Variants in AUTS2 observed in about 807,000 individuals in gnomAD.
AUTS2 encodes autism susceptibility gene 2 protein.
Under a neutral mutation model 112.4 loss-of-function variants are expected in AUTS2, and 17 were observed. That is an observed-to-expected ratio of 0.15 (90% CI 0.10 to 0.23). The LOEUF (loss-of-function observed/expected upper bound fraction) is 0.23, where lower values mean the gene tolerates loss of function less well. Among genes scored for constraint, AUTS2 ranks in the 10% least tolerant of loss-of-function variants. AUTS2 has a pLI of 1.00. For synonymous variants in AUTS2, 751 were observed against 702.7 expected, an observed-to-expected ratio of 1.07 and a Z score of -1.09; for missense variants, 1,510 against 1,701.6, an observed-to-expected ratio of 0.89 and a Z score of 1.98.
intron 6 of AUTS2, among the ~76,000 whole-genome samples, chr7:70,711,493 T>G (rs1006348977): frequency 6.6e-6 from 1 of 152,144 alleles, no homozygotes; most frequent in African/African-American, 2.4e-5. Context: ...CATCCTGGGC[T>G]TCCAAGTGAC....
At chr7:69,958,178 C>A (rs993725774) in intron 2 of AUTS2, among the ~76,000 whole-genome samples, 1 of 152,080 alleles carries the variant, frequency 6.6e-6, no homozygotes, top group African/African-American at 2.4e-5. Context: ...CCGGCCAATC[C>A]CGACCTGGTA....
intron 4 of AUTS2, among the ~76,000 whole-genome samples, chr7:70,213,538 CAAA>C (rs71077632): frequency 5.6e-5 from 7 of 124,644 alleles, no homozygotes; most frequent in Admixed American, 1.7e-4. Flanking sequence ...GACCCTGTCT[CAAA>C]AAAAAAAAAA....
intron 2 of AUTS2, among the ~76,000 whole-genome samples, chr7:70,057,684 G>T (rs1435287044): frequency 1.3e-5 from 2 of 152,048 alleles, no homozygotes; most frequent in Non-Finnish European, 2.9e-5. Context: ...AGCTCTCCAG[G>T]GTCCCTAGAC....
At chr7:70,426,175 G>T (rs769463729) in intron 4 of AUTS2, among the ~76,000 whole-genome samples, 1 of 152,116 alleles carries the variant, frequency 6.6e-6, no homozygotes, top group Non-Finnish European at 1.5e-5. Context: ...TGGCATCTTG[G>T]TTCACACTGA....
chr7:70,339,629 A>G (rs1007898287), intron 4 of AUTS2, among the ~76,000 whole-genome samples: 10 of 152,208 alleles, frequency 6.6e-5, no homozygotes, highest in Non-Finnish European at 1.3e-4. Flanking sequence ...CTGAATTGTT[A>G]AAATGATATG....
At chr7:70,346,825 T>C (rs1026002156) in intron 4 of AUTS2, among the ~76,000 whole-genome samples, 1 of 152,154 alleles carries the variant, frequency 6.6e-6, no homozygotes, top group African/African-American at 2.4e-5. Flanking sequence ...CCTAGGTCTC[T>C]TGTGTCCAAG....
chr7:70,106,945 G>A (rs560247161), intron 2 of AUTS2, among the ~76,000 whole-genome samples: 1 of 151,526 alleles, frequency 6.6e-6, no homozygotes, highest in African/African-American at 2.4e-5. Context: ...AAAATAAATA[G>A]GATTTTTAAA....
chr7:70,178,197 C>T (rs781139141), intron 4 of AUTS2, among the ~76,000 whole-genome samples: 7 of 152,172 alleles, frequency 4.6e-5, no homozygotes, highest in Non-Finnish European at 7.4e-5. Flanking sequence ...CCTTTAGCCC[C>T]GTGAAGAGTG....
chr7:70,389,490 C>T (rs1000960004), intron 4 of AUTS2, among the ~76,000 whole-genome samples: 14 of 152,316 alleles, frequency 9.2e-5, no homozygotes, highest in South Asian at 2.1e-4. Flanking sequence ...CTCTCTCATT[C>T]TGTTGGAAGG....
chr7:70,123,215 C>G lies in AUTS2; in HGVS notation c.624+4982C>G, dbSNP rs149406191. On this transcript the variant is annotated intron_variant, in intron 3 of 18. Transcript: ENST00000342771. ...TAACAAACCAACCCACAGAATGGAT[C>G]TTTTGGATACCAAAGCAACACCTAC... 4.8e-4 allele frequency among the ~76,000 whole-genome samples: 73 copies of G among 152,242 alleles called. No individual in the cohort carries two copies. The East Asian group carries it at 0.012, about 25-fold the overall frequency.
At chr7:70,166,248 C>T (rs1275386575) in intron 4 of AUTS2, among the ~76,000 whole-genome samples, 2 of 151,910 alleles carry the variant, frequency 1.3e-5, no homozygotes, top group African/African-American at 4.8e-5. Flanking sequence ...TTTGTGCAGC[C>T]CATGAGCAAA....
chr7:70,278,664 C>T (rs1562844707), intron 4 of AUTS2, among the ~76,000 whole-genome samples: 1 of 152,064 alleles, frequency 6.6e-6, no homozygotes, highest in African/African-American at 2.4e-5. Context: ...TGAGGATTCA[C>T]TTTAAAAAGC....
chr7:70,765,224 C>T (rs976873247), intron 8 of AUTS2, among the ~76,000 whole-genome samples: 8 of 152,084 alleles, frequency 5.3e-5, no homozygotes, highest in South Asian at 2.1e-4. Context: ...AGACACTGCC[C>T]GAAGAGAGTG....
At chr7:69,814,880 A>G (rs1282005949) in intron 1 of AUTS2, among the ~76,000 whole-genome samples, 1 of 152,200 alleles carries the variant, frequency 6.6e-6, no homozygotes, top group Admixed American at 6.5e-5. Flanking sequence ...ACAGAAAAGC[A>G]TTCGTGGCAT....
At chr7:70,039,916 A>C (rs990221073) in intron 2 of AUTS2, among the ~76,000 whole-genome samples, 1 of 152,188 alleles carries the variant, frequency 6.6e-6, no homozygotes, top group Non-Finnish European at 1.5e-5. Context: ...ATTCATTCAA[A>C]CATCATCTCT....
At chr7:70,607,358 A>G (rs1289492261) in intron 5 of AUTS2, among the ~76,000 whole-genome samples, 1 of 152,220 alleles carries the variant, frequency 6.6e-6, no homozygotes, top group Non-Finnish European at 1.5e-5. Context: ...CATTGATGGA[A>G]AGCCTATATT....
At chr7:70,538,974 G>A (rs1166895802) in intron 5 of AUTS2, among the ~76,000 whole-genome samples, 9 of 152,086 alleles carry the variant, frequency 5.9e-5, no homozygotes, top group Admixed American at 2.6e-4. Flanking sequence ...GGAATTAACC[G>A]CATAGTTAAT....
At position 69,695,247 on chromosome 7, in the gene AUTS2, C is replaced by T. The variant is rs547653354; in HGVS notation, c.309+95285C>T. Among the ~76,000 whole-genome samples the T allele has an allele frequency of 3.7e-4, 57 of 152,084 alleles. No individual in the cohort carries two copies. In the South Asian group the frequency reaches 7.5e-3, roughly 20 times the overall value. ...TGGAGGCTAAGGTGGGAGGATAGCT[C>T]GAGCCCCAGAGATCAAGGCCGCCGT... is the stretch of plus-strand genomic sequence containing the variant. On this transcript the variant is annotated intron_variant, in intron 1 of 18. Coordinates refer to ENST00000342771, the MANE Select transcript of AUTS2 (RefSeq NM_015570.4).
chr7:70,249,812 A>G (rs1287242720), intron 4 of AUTS2, among the ~76,000 whole-genome samples: 1 of 150,538 alleles, frequency 6.6e-6, no homozygotes, highest in Non-Finnish European at 1.5e-5. Context: ...AAAAATTTCA[A>G]GTTGGGTCCA....
Sources: gnomAD v4.1 joint callset for allele counts (sites outside exome capture counted in the v4.1 genomes callset) on GRCh38, gnomAD v4.1.1 for gene constraint, MANE v1.5 for transcripts, NCBI Gene and HGNC (gene_info 2026-07-23, HGNC 2026-07-21) for gene names.